SAMD9L: variants seen among roughly 807,000 people sequenced by gnomAD.
SAMD9L encodes sterile alpha motif domain containing 9 like, also known as sterile alpha motif domain-containing protein 9-like.
In SAMD9L, 68 loss-of-function variants were observed where a neutral mutation model predicts 90.7. That is an observed-to-expected ratio of 0.75 (90% CI 0.62 to 0.92). SAMD9L has a LOEUF of 0.92. Ranked by LOEUF, SAMD9L falls within the 40% of genes least tolerant of loss-of-function variation. SAMD9L has a pLI of 0.00. For synonymous variants in SAMD9L, 640 were observed against 630.1 expected (o/e 1.02, Z -0.23); for missense variants, 1,604 against 1,824.3 (o/e 0.88, Z 2.20).
chr7:93,131,756 G>A lies in SAMD9L; in HGVS notation c.4216C>T (p.Leu1406=), dbSNP rs754031991. The part of the protein sequence containing the change: ...NSKLIQPLTT[L]KKQLREVLQF... The stretch of plus-strand genomic sequence containing the variant: ...AAGACCTCTCGGAGTTGTTTTTTTA[G>A]CGTGGTAAGTGGTTGAATTAACTTG... Residue 1406 remains leucine, a synonymous_variant, in exon 5 of 5, where the codon CTA becomes TTA. Transcript: ENST00000318238. 5.0e-6 allele frequency: 8 copies of A among 1,613,482 alleles called. No individual in the cohort carries two copies. The highest frequency in any genetic ancestry group is 1.3e-5 in the African/African-American group (1 of 74,860).
intron 1 of SAMD9L, among the ~76,000 whole-genome samples, chr7:93,147,527 A>G (rs1055970193): frequency 1.3e-5 from 2 of 152,138 alleles, no homozygotes; most frequent in Non-Finnish European, 2.9e-5. Flanking sequence ...TGCCCTAGGG[A>G]GGTGTTCTGC....
At chr7:93,146,657 C>G (rs536043390) in intron 2 of SAMD9L, among the ~76,000 whole-genome samples, 9 of 152,266 alleles carry the variant, frequency 5.9e-5, no homozygotes, top group Admixed American at 4.6e-4. Flanking sequence ...GGTCAAAGGA[C>G]TTCCTCATTT....
chr7:93,144,206 T>C (rs1792802647), intron 4 of SAMD9L, among the ~76,000 whole-genome samples: 1 of 152,234 alleles, frequency 6.6e-6, no homozygotes, highest in Admixed American at 6.5e-5. Flanking sequence ...GCAGAAGACC[T>C]TCACCTTAAC....
chr7:93,137,030 A>T (rs1211830035), intron 4 of SAMD9L, among the ~76,000 whole-genome samples: 1 of 152,230 alleles, frequency 6.6e-6, no homozygotes, highest in Admixed American at 6.5e-5. Flanking sequence ...TTAAAAGATA[A>T]ATCAATTAAT....
intron 4 of SAMD9L, among the ~76,000 whole-genome samples, chr7:93,144,428 T>C (rs1792813485): frequency 6.6e-6 from 1 of 152,206 alleles, no homozygotes; most frequent in Admixed American, 6.5e-5. Context: ...CTATATAATA[T>C]TACATTGTAT....
At chr7:93,139,465 TG>T (rs1792594998) in intron 4 of SAMD9L, among the ~76,000 whole-genome samples, 1 of 152,070 alleles carries the variant, frequency 6.6e-6, no homozygotes, top group African/African-American at 2.4e-5. Flanking sequence ...AGGGGAAACT[TG>T]GGCACAGAGG....
chr7:93,138,168 ATCAAT>A (rs1423757145), intron 4 of SAMD9L, among the ~76,000 whole-genome samples: 9 of 152,138 alleles, frequency 5.9e-5, no homozygotes, highest in Non-Finnish European at 1.2e-4. Context: ...ATTTTAGATG[ATCAAT>A]TCAGTTCATC....
Position 93,134,259 on chromosome 7 carries a change from G to T in SAMD9L, c.1713C>A (p.Leu571=). The T allele has an allele frequency of 1.2e-6, 2 of 1,613,500 alleles. No individual in the cohort carries two copies. Among genetic ancestry groups the T allele is most frequent in the Non-Finnish European group, 1.7e-6 (2 of 1,179,832 alleles). Residue 571 remains leucine, a synonymous_variant, in exon 5 of 5, where the codon CTC becomes CTA. Coordinates refer to ENST00000318238, the MANE Select transcript of SAMD9L (RefSeq NM_152703.5). ...TACACAACATATTTTCCATTCCTTT[G>T]AGAGCTTGATAGAAAGCCCAGAAAG... ...IETFWAFYQA[L]KGMENMLCIS... is the part of the protein sequence containing the mutation.
rs1792391093 is a variant in SAMD9L at position 93,135,408 on chromosome 7, T to G, written c.564A>C (p.Gly188=). 1 of 1,614,134 alleles carries G rather than the reference T, an allele frequency of 6.2e-7. No homozygotes were observed. Among genetic ancestry groups the G allele is most frequent in the Non-Finnish European group, 8.5e-7 (1 of 1,179,968 alleles). The change falls in exon 5 of 5, where the codon GGA becomes GGC. Residue 188 remains glycine (G), a synonymous_variant. Transcript: ENST00000318238. ...GTATTGGATCAATGAGATTGAGTGC[T>G]CCTGTTTCAGGTTGTAGAGTATAAT... The part of the protein sequence containing the change: ...IEHYTLQPET[G]ALNLIDPIHE...
Position 93,134,066 on chromosome 7 carries a change from G to T in SAMD9L, c.1906C>A (p.Pro636Thr). 4.3e-6 allele frequency: 7 copies of T among 1,613,852 alleles called. No homozygotes were observed. The highest frequency in any genetic ancestry group is 5.9e-6 in the Non-Finnish European group (7 of 1,179,850). ...SVTRSSRRFL[P>T]ARGSSSVILE... ...ATAACTGAAGAAGATCCACGGGCGG[G>T]CAAAAACCTTCTTGATGACCGAGTC... The change falls in exon 5 of 5, where the codon CCC becomes ACC. Residue 636 changes from proline to threonine, a missense_variant. By Grantham distance (38) the Pro-to-Thr change is conservative. This residue lies in a region of SAMD9L where 606 missense variants were observed against 717.6 expected (regional missense o/e 0.84). Transcript: ENST00000318238.
chr7:93,148,217 C>T lies in SAMD9L; in HGVS notation c.-1066G>A, dbSNP rs1368788185. On this transcript the variant is annotated 5_prime_UTR_variant, in exon 1 of 5. Transcript: ENST00000318238. The stretch of plus-strand genomic sequence containing the variant: ...ACCAGGATTTTCCTGAAAATGTCAT[C>T]GTTTTATATCAGAAACTTGAAACAG... The T allele has an allele frequency of 6.6e-6, 1 of 152,146 alleles. No homozygotes were observed. The highest frequency in any genetic ancestry group is 1.5e-5 in the Non-Finnish European group (1 of 68,026). 9.4% of individuals were successfully genotyped at this position (152,146 alleles called of 1,614,324 possible).
chr7:93,132,738 G>A lies in SAMD9L; in HGVS notation c.3234C>T (p.Phe1078=). 6.2e-7 allele frequency: 1 copy of A among 1,613,740 alleles called. No individual in the cohort carries two copies. Among genetic ancestry groups the A allele is most frequent in the Non-Finnish European group, 8.5e-7 (1 of 1,179,798 alleles). The change falls in exon 5 of 5, where the codon TTC becomes TTT. Residue 1078 remains phenylalanine, a synonymous_variant. Transcript: ENST00000318238. ...CTTGACAAATGAATGCATTTTGTGG[G>A]AATCGTCTACTTCCTGCACTCAAGA... The part of the protein sequence containing the change: ...EKVLSAGSRR[F]PQNAFICQAL...
chr7:93,132,602 C>T lies in SAMD9L; in HGVS notation c.3370G>A (p.Gly1124Ser). 2 of 1,613,686 alleles carry T rather than the reference C, an allele frequency of 1.2e-6. No homozygotes were observed. The highest frequency in any genetic ancestry group is 1.7e-6 in the Non-Finnish European group (2 of 1,179,788). The change falls in exon 5 of 5, where the codon GGT becomes AGT. Residue 1124 changes from glycine (G) to serine (S), a missense_variant. Around this residue, in one of 7 missense-constraint regions of SAMD9L, gnomAD observed 302 missense variants for 314.7 expected, o/e 0.96. Transcript: ENST00000318238. Reference sequence around the variant, plus strand: ...TTGATTTCACTTTTGTAGACTTGACCTAGTGTATCTGAAATATAGGAATTT... The same window carrying T: ...TTGATTTCACTTTTGTAGACTTGACTTAGTGTATCTGAAATATAGGAATTT... ...PKNSYISDTL[G>S]QVYKSEIKWW... is the part of the protein sequence containing the mutation.
Position 93,132,603 on chromosome 7 carries a change from T to G in SAMD9L, c.3369A>C (p.Leu1123=), listed in dbSNP as rs1412554400. 1.2e-6 allele frequency: 2 copies of G among 1,613,764 alleles called. No homozygotes were observed. Among genetic ancestry groups the G allele is most frequent in the East Asian group, 2.2e-5 (1 of 44,880 alleles). The change falls in exon 5 of 5, where the codon CTA becomes CTC. Residue 1123 remains leucine, a synonymous_variant. Coordinates refer to ENST00000318238, the MANE Select transcript of SAMD9L (RefSeq NM_152703.5). ...TGATTTCACTTTTGTAGACTTGACC[T>G]AGTGTATCTGAAATATAGGAATTTT... ...APKNSYISDT[L]GQVYKSEIKW...
chr7:93,139,258 A>G (rs543786603), intron 4 of SAMD9L, among the ~76,000 whole-genome samples: 4 of 152,256 alleles, frequency 2.6e-5, no homozygotes, highest in South Asian at 4.2e-4. Flanking sequence ...ACCCACCTCT[A>G]TTCCCACGGT....
At chr7:93,145,299 G>A (rs1227430297) in intron 3 of SAMD9L, 86 bp downstream of exon 3, 1 of 152,178 alleles carries the variant, frequency 6.6e-6, no homozygotes, top group African/African-American at 2.4e-5. Flanking sequence ...CATTTTCAAA[G>A]TTCTGTTTTA....
chr7:93,136,076 A>G, intron 4 of SAMD9L, 85 bp from the exon 5 acceptor site: 1 of 860,504 alleles, frequency 1.2e-6, no homozygotes, highest in Non-Finnish European at 1.7e-6. Flanking sequence ...ATTATCATAC[A>G]GAAGATACAT....
In SAMD9L at chr7:93,130,988, T is replaced by C; in HGVS notation, c.*229A>G. ...ATGAAACTTCTTAATTATTTGAGTCTGAAAATGCATATTTAAAACATTAAA... is the reference window on the plus strand; with the variant it reads ...ATGAAACTTCTTAATTATTTGAGTCCGAAAATGCATATTTAAAACATTAAA... On this transcript the variant is annotated 3_prime_UTR_variant, in exon 5 of 5. Transcript: ENST00000318238. 1 of 401,454 alleles carries C rather than the reference T, an allele frequency of 2.5e-6. No homozygotes were observed. Among genetic ancestry groups the C allele is most frequent in the Non-Finnish European group, 4.4e-6 (1 of 227,454 alleles). The allele number at this position is 401,454 out of a possible 1,614,324, so 24.9% of individuals were successfully genotyped here. A position where few individuals can be genotyped will look rare whatever the true frequency, so the allele number is the denominator to read the frequency against.
Position 93,135,352 on chromosome 7 carries a change from G to T in SAMD9L, c.620C>A (p.Thr207Lys), listed in dbSNP as rs1402476435. The stretch of plus-strand genomic sequence containing the variant: ...CATCTTAATGTCCACTTCCGTGGCT[G>T]TTTCTGTGTTTGTGAGAGCTTTGAA... ...HEFKALTNTE[T>K]ATEVDIKMKF... is the part of the protein sequence containing the mutation. Residue 207 changes from threonine to lysine, a missense_variant, in exon 5 of 5, where the codon ACA (threonine) becomes AAA (lysine). By Grantham distance (78) the Thr-to-Lys change is moderately conservative (BLOSUM62 -1). This residue lies in a region of SAMD9L where 374 missense variants were observed against 363.6 expected (regional missense o/e 1.03). Transcript: ENST00000318238. 6.2e-7 allele frequency: 1 copy of T among 1,613,990 alleles called. No homozygotes were observed. The highest frequency in any genetic ancestry group is 1.7e-5 in the Admixed American group (1 of 60,004).
Sources: allele counts gnomAD v4.1 joint callset (sites outside exome capture counted in the v4.1 genomes callset), GRCh38; gene constraint gnomAD v4.1.1; regional missense constraint gnomAD v4.1.1; transcripts MANE v1.5; gene names NCBI Gene and HGNC (gene_info 2026-07-23, HGNC 2026-07-21).